Variants in ZNF277 observed in about 807,000 individuals in gnomAD.
ZNF277 encodes nuclear receptor-interacting factor 4.
A neutral mutation model predicts 60.7 loss-of-function variants in ZNF277; 55 were observed. The observed-to-expected ratio is 0.91, with a 90% CI of 0.73 to 1.13. The LOEUF is 1.13. ZNF277 is among the 50% of genes most tolerant of loss of function. The pLI, the probability that ZNF277 is intolerant of heterozygous loss-of-function variation, is 0.00. For missense variants in ZNF277, 510 were observed against 523.0 expected (o/e 0.98, Z 0.24); for synonymous variants, 178 against 179.3 (o/e 0.99, Z 0.06).
chr7:112,206,923 C>T (rs764383391), intron 1 of ZNF277, 116 bp downstream of exon 1: 7 of 998,648 alleles, frequency 7.0e-6, no homozygotes, highest in African/African-American at 3.4e-5. Context: ...CACCTGGGTT[C>T]GACTGGGCCC....
At chr7:112,226,122 T>G (rs1587091643) in intron 1 of ZNF277, among the ~76,000 whole-genome samples, 1 of 152,286 alleles carries the variant, frequency 6.6e-6, no homozygotes, top group East Asian at 1.9e-4. Flanking sequence ...CAGAGTTATC[T>G]CCCCCTTATT....
Position 112,341,002 on chromosome 7 carries a change from A to G in ZNF277, c.1140A>G (p.Lys380=). The change falls in exon 11 of 12, where the codon AAA becomes AAG. Residue 380 remains lysine, a synonymous_variant. Transcript: ENST00000361822. ...TAAGAACTCACATGGAAGAAACTAA[A>G]CACACTTCGCTGCTCCCCGATAGAA... ...ADLRTHMEET[K]HTSLLPDRKT... 1 of 1,605,772 alleles carries G rather than the reference A, an allele frequency of 6.2e-7. No individual in the cohort carries two copies. The highest frequency in any genetic ancestry group is 8.5e-7 in the Non-Finnish European group (1 of 1,177,222).
At chr7:112,266,586 A>G (rs1040904368) in intron 1 of ZNF277, among the ~76,000 whole-genome samples, 4 of 152,296 alleles carry the variant, frequency 2.6e-5, no homozygotes, top group Middle Eastern at 3.4e-3. Flanking sequence ...TAAGAGCTGC[A>G]GTAGCTTCTG....
intron 1 of ZNF277, 79 bp downstream of exon 1, chr7:112,206,886 A>T: frequency 5.6e-6 from 8 of 1,437,770 alleles, no homozygotes; most frequent in Non-Finnish European, 7.6e-6. Flanking sequence ...CTCTGGTCTG[A>T]CCCTAGGAGC....
At chr7:112,238,008 A>C (rs924938919) in intron 1 of ZNF277, among the ~76,000 whole-genome samples, 2 of 152,204 alleles carry the variant, frequency 1.3e-5, no homozygotes, top group Non-Finnish European at 2.9e-5. Flanking sequence ...AGGAAGATGG[A>C]TGAATAGACC....
At chr7:112,228,791 A>G (rs1046963930) in intron 1 of ZNF277, among the ~76,000 whole-genome samples, 3 of 152,148 alleles carry the variant, frequency 2.0e-5, no homozygotes, top group African/African-American at 7.2e-5. Flanking sequence ...GGTCTTATCC[A>G]AAGATCGAGA....
intron 1 of ZNF277, among the ~76,000 whole-genome samples, chr7:112,225,443 G>C (rs1033863788): frequency 1.3e-5 from 2 of 152,200 alleles, no homozygotes; most frequent in Non-Finnish European, 2.9e-5. Context: ...ATTTGCTGCA[G>C]AGAAAGATCC....
intron 1 of ZNF277, among the ~76,000 whole-genome samples, chr7:112,208,617 C>T (rs1821643288): frequency 6.9e-6 from 1 of 145,624 alleles, no homozygotes. Context: ...TTTAATCCTA[C>T]AATCCGTATT....
At chr7:112,242,287 C>T (rs1017922620) in intron 1 of ZNF277, among the ~76,000 whole-genome samples, 2 of 151,846 alleles carry the variant, frequency 1.3e-5, no homozygotes, top group African/African-American at 4.8e-5. Context: ...AATGACAAAC[C>T]CACAGCCAGT....
At chr7:112,240,883 C>T (rs1790930232) in intron 1 of ZNF277, among the ~76,000 whole-genome samples, 1 of 152,092 alleles carries the variant, frequency 6.6e-6, no homozygotes, top group Non-Finnish European at 1.5e-5. Flanking sequence ...AAATCTAAGA[C>T]CTCAAACTGT....
intron 1 of ZNF277, among the ~76,000 whole-genome samples, chr7:112,261,259 A>G (rs1297157505): frequency 1.3e-5 from 2 of 152,210 alleles, no homozygotes; most frequent in Non-Finnish European, 2.9e-5. Context: ...ATGGAAATGA[A>G]GTTTCAGTAG....
intron 1 of ZNF277, among the ~76,000 whole-genome samples, chr7:112,280,415 C>A (rs1189088704): frequency 6.6e-6 from 1 of 152,050 alleles, no homozygotes; most frequent in Admixed American, 6.6e-5. Flanking sequence ...TTTTACAGTT[C>A]ATTTGAACAG....
intron 1 of ZNF277, among the ~76,000 whole-genome samples, chr7:112,245,207 C>G (rs1791055670): frequency 6.6e-6 from 1 of 152,124 alleles, no homozygotes; most frequent in Non-Finnish European, 1.5e-5. Context: ...TCATTTCTTC[C>G]TTTCAGTTAT....
At chr7:112,221,036 T>A (rs1019487197) in intron 1 of ZNF277, among the ~76,000 whole-genome samples, 1 of 152,128 alleles carries the variant, frequency 6.6e-6, no homozygotes, top group Non-Finnish European at 1.5e-5. Flanking sequence ...CCACCACTGC[T>A]GTTTGCCACC....
intron 1 of ZNF277, among the ~76,000 whole-genome samples, chr7:112,235,195 T>A (rs1822455137): frequency 6.6e-6 from 1 of 152,146 alleles, no homozygotes; most frequent in Admixed American, 6.5e-5. Context: ...TTTGTTGAGG[T>A]CTTCAGTCTG....
At chr7:112,267,111 C>T (rs538357155) in intron 1 of ZNF277, among the ~76,000 whole-genome samples, 11 of 152,228 alleles carry the variant, frequency 7.2e-5, no homozygotes, top group Non-Finnish European at 1.0e-4. Context: ...TGGTTTAGAA[C>T]GCAGCAGAAA....
intron 1 of ZNF277, among the ~76,000 whole-genome samples, chr7:112,210,957 T>G (rs1447748904): frequency 2.0e-5 from 3 of 152,234 alleles, no homozygotes; most frequent in Non-Finnish European, 4.4e-5. Context: ...TAATAATACA[T>G]TTAGGAGGCT....
Position 112,295,965 on chromosome 7 carries a change from T to TAC in ZNF277, c.382+10_382+11dup. The TAC allele has an allele frequency of 1.3e-6, 2 of 1,590,406 alleles. No individual in the cohort carries two copies. Among genetic ancestry groups the TAC allele is most frequent in the Non-Finnish European group, 8.6e-7 (1 of 1,158,878 alleles). Reference sequence around the variant, plus strand: ...ATTCCACTGCTCCATTTGGTAAGTGTACATCTTGGCTACCATCTTTTCCCT... The same window carrying TAC: ...ATTCCACTGCTCCATTTGGTAAGTGTACACATCTTGGCTACCATCTTTTCCCT... On this transcript the variant is annotated intron_variant, in intron 3 of 11. Coordinates refer to ENST00000361822, the MANE Select transcript of ZNF277 (RefSeq NM_021994.3).
chr7:112,229,996 C>G (rs1822279804), intron 1 of ZNF277, among the ~76,000 whole-genome samples: 2 of 151,048 alleles, frequency 1.3e-5, no homozygotes, highest in Non-Finnish European at 3.0e-5. Context: ...GAGTAGGAGA[C>G]AAGGCTAGAG....
Sources: gnomAD v4.1 joint callset for allele counts (sites outside exome capture counted in the v4.1 genomes callset) on GRCh38, gnomAD v4.1.1 for gene constraint, MANE v1.5 for transcripts, NCBI Gene and HGNC (gene_info 2026-07-23, HGNC 2026-07-21) for gene names.